MKNK2: variants seen among roughly 807,000 people sequenced by gnomAD.
MKNK2 encodes the protein MAP kinase-interacting serine/threonine-protein kinase 2.
A neutral mutation model predicts 55.0 loss-of-function variants in MKNK2; 54 were observed. The observed-to-expected ratio is 0.98, with a 90% confidence interval of 0.79 to 1.23. The LOEUF is 1.23. MKNK2 is among the 50% of genes most tolerant of loss of function. The pLI is 0.00. For synonymous variants in MKNK2, 323 were observed against 256.0 expected, an observed-to-expected ratio of 1.26 and a Z score of -2.50; for missense variants, 685 against 632.1, an observed-to-expected ratio of 1.08 and a Z score of -0.90.
chr19:2,039,785 T>C lies in MKNK2; in HGVS notation c.1226A>G (p.His409Arg), dbSNP rs1568234641. ...AIAMNRQLAQ[H>R]DEDLAEEEAA... ...CTCCTCCTCAGCCAGGTCCTCGTCGTGCTGGGCCAGCTGCCGGTTCATGGC... is the reference window on the plus strand; with the variant it reads ...CTCCTCCTCAGCCAGGTCCTCGTCGCGCTGGGCCAGCTGCCGGTTCATGGC... The change falls in exon 14 of 14, where the codon CAC becomes CGC. Residue 409 changes from histidine to arginine, a missense_variant. Coordinates refer to ENST00000250896, the MANE Select transcript of MKNK2 (RefSeq NM_199054.3). 4 of 1,607,240 alleles carry C rather than the reference T, an allele frequency of 2.5e-6. No homozygotes were observed. Among genetic ancestry groups the C allele is most frequent in the Non-Finnish European group, 3.4e-6 (4 of 1,179,484 alleles).
rs1568234444 is a variant in MKNK2, at chr19:2,039,643, G to A, written c.1368C>T (p.Ala456=). The A allele has an allele frequency of 1.9e-6, 3 of 1,612,974 alleles. No homozygotes were observed. Among genetic ancestry groups the A allele is most frequent in the Non-Finnish European group, 2.5e-6 (3 of 1,179,858 alleles). Residue 456 remains alanine (A), a synonymous_variant, in exon 14 of 14, where the codon GCC becomes GCT. Coordinates refer to ENST00000250896, the MANE Select transcript of MKNK2 (RefSeq NM_199054.3). ...CGTGGTCTCCCACCAGGACCACTGG[G>A]GCCGAGGACAGACTGGCCCTTTGCC... is the stretch of plus-strand genomic sequence containing the variant. ...QRRQRASLSS[A]PVVLVGDHA is the part of the protein sequence containing the mutation.
chr19:2,043,406 G>A, intron 6 of MKNK2, 97 bp downstream of exon 6: 1 of 1,217,010 alleles, frequency 8.2e-7, no homozygotes. Flanking sequence ...GAAACTGGGT[G>A]CCCTACAGAC....
At position 2,038,599 on chromosome 19, in the gene MKNK2, C is replaced by T; in HGVS notation, c.*1014G>A. The T allele has an allele frequency of 2.0e-6, 2 of 985,330 alleles. No individual in the cohort carries two copies. The highest frequency in any genetic ancestry group is 2.4e-6 in the Non-Finnish European group (2 of 829,868). 61.0% of individuals were successfully genotyped at this position (985,330 alleles called of 1,614,324 possible). On this transcript the variant is annotated 3_prime_UTR_variant, in exon 14 of 14. Coordinates refer to ENST00000250896, the MANE Select transcript of MKNK2 (RefSeq NM_199054.3). ...CCTGGGGGTGAGGATTCGGCCAGAC[C>T]CCGGGGTCTGGGCTCAGCTCTAAGG...
intron 2 of MKNK2, among the ~76,000 whole-genome samples, chr19:2,048,748 G>A (rs2017051415): frequency 6.6e-6 from 1 of 152,018 alleles, no homozygotes; most frequent in South Asian, 2.1e-4. Flanking sequence ...CACCCACCCT[G>A]GCTCGGGCAG....
chr19:2,040,905 G>T, intron 12 of MKNK2, 135 bp downstream of exon 12: 1 of 892,548 alleles, frequency 1.1e-6, no homozygotes, highest in Non-Finnish European at 1.7e-6. Context: ...CTCATCCCAG[G>T]GCAGAGCCTG....
At position 2,039,423 on chromosome 19, in the gene MKNK2, G is replaced by T. The variant is rs1375442660; in HGVS notation, c.*190C>A. On this transcript the variant is annotated 3_prime_UTR_variant, in exon 14 of 14. Transcript: ENST00000250896. ...ATCCAAAGGAAAAAATAACGGGGAG[G>T]GGTGGAAACAGGAAAAAAAAAACCC... 10 of 1,401,664 alleles carry T rather than the reference G, an allele frequency of 7.1e-6. No homozygotes were observed. Among genetic ancestry groups the T allele is most frequent in the Non-Finnish European group, 6.5e-6 (7 of 1,080,990 alleles). 86.8% of individuals were successfully genotyped at this position (1,401,664 alleles called of 1,614,324 possible). A position where few individuals can be genotyped will look rare whatever the true frequency, so the allele number is the denominator to read the frequency against.
intron 11 of MKNK2, among the ~76,000 whole-genome samples, chr19:2,041,584 G>A (rs968230852): frequency 2.6e-5 from 4 of 152,174 alleles, no homozygotes; most frequent in African/African-American, 9.7e-5. Flanking sequence ...GGCAGACAGG[G>A]CGGCACTGCC....
Sources: gnomAD v4.1 joint callset for allele counts (sites outside exome capture counted in the v4.1 genomes callset) on GRCh38, gnomAD v4.1.1 for gene constraint, MANE v1.5 for transcripts, NCBI Gene and HGNC (gene_info 2026-07-23, HGNC 2026-07-21) for gene names.